Variants in SCRG1 observed in about 807,000 individuals in gnomAD.
SCRG1 encodes the protein scrapie-responsive protein 1.
A neutral mutation model predicts 7.7 loss-of-function variants in SCRG1; 3 were observed. The observed-to-expected ratio is 0.39, with a 90% CI of 0.18 to 1.01. The LOEUF (loss-of-function observed/expected upper bound fraction) is 1.01, where lower values mean the gene tolerates loss of function less well. Ranked by LOEUF, SCRG1 falls within the 50% of genes least tolerant of loss-of-function variation. The pLI is 0.36. For synonymous variants in SCRG1, 46 were observed against 41.2 expected (o/e 1.12, Z -0.44); for missense variants, 110 against 117.2 (o/e 0.94, Z 0.28).
At chr4:173,508,017 A>C in the SCRG1 span, among the ~76,000 whole-genome samples, 1 of 152,034 alleles carries the variant, frequency 6.6e-6, no homozygotes, top group African/African-American at 2.4e-5. This position sits in a 1 kb window ranked among gnomAD's most constrained non-coding sequence, Gnocchi z 4.4. Flanking sequence ...GGGGAGATGG[A>C]TGGAGGGTGA....
chr4:173,415,483 A>G, the SCRG1 span, among the ~76,000 whole-genome samples: 1 of 152,328 alleles, frequency 6.6e-6, no homozygotes, highest in South Asian at 2.1e-4. Context: ...GTGGCCCCAG[A>G]TAACCATGGC....
the SCRG1 span, among the ~76,000 whole-genome samples, chr4:173,471,033 C>G: frequency 6.6e-6 from 1 of 152,122 alleles, no homozygotes; most frequent in Non-Finnish European, 1.5e-5. Flanking sequence ...CATGGAAACC[C>G]TGTTCACATG....
chr4:173,457,011 A>T, the SCRG1 span, among the ~76,000 whole-genome samples: 2 of 152,236 alleles, frequency 1.3e-5, no homozygotes, highest in African/African-American at 4.8e-5. Flanking sequence ...GCTCAGAGAG[A>T]TTCTTTACTC....
At chr4:173,441,764 C>A in the SCRG1 span, among the ~76,000 whole-genome samples, 3 of 152,156 alleles carry the variant, frequency 2.0e-5, no homozygotes, top group African/African-American at 7.2e-5. Flanking sequence ...GATCCCAATG[C>A]TTTGGAAGGC....
At chr4:173,430,064 G>A in the SCRG1 span, among the ~76,000 whole-genome samples, 110 of 152,022 alleles carry the variant, frequency 7.2e-4, no homozygotes, top group Non-Finnish European at 1.3e-3. Context: ...AAGTACAAGA[G>A]ACAAATCTTT....
rs1442139961 is a variant in SCRG1 at position 173,386,646 on chromosome 4, C to T, written c.*1695G>A. The T allele has an allele frequency of 6.6e-6, 1 of 152,110 alleles. No individual in the cohort carries two copies. Among genetic ancestry groups the T allele is most frequent in the Non-Finnish European group, 1.5e-5 (1 of 68,036 alleles). The allele number at this position is 152,110 out of a possible 1,614,324, so 9.4% of individuals were successfully genotyped here. On this transcript the variant is annotated 3_prime_UTR_variant, in exon 3 of 3. Transcript: ENST00000296506. ...TCTCCAGAAACAGATCAGGGACCTCCAAGGATATATTTTAATGAAATAATG... is the reference window on the plus strand; with the variant it reads ...TCTCCAGAAACAGATCAGGGACCTCTAAGGATATATTTTAATGAAATAATG...
chr4:173,459,846 G>T, the SCRG1 span, among the ~76,000 whole-genome samples: 1 of 152,058 alleles, frequency 6.6e-6, no homozygotes. Flanking sequence ...GCACAACAGG[G>T]TAACTATAGT....
At chr4:173,450,901 G>A in the SCRG1 span, among the ~76,000 whole-genome samples, 1 of 152,130 alleles carries the variant, frequency 6.6e-6, no homozygotes, top group African/African-American at 2.4e-5. Flanking sequence ...GCATCCACGA[G>A]CAGCAAAGGG....
the SCRG1 span, among the ~76,000 whole-genome samples, chr4:173,444,191 C>G: frequency 6.6e-6 from 1 of 152,120 alleles, no homozygotes; most frequent in Admixed American, 6.5e-5. Flanking sequence ...CCAGGCTGGT[C>G]TGAAACTCCT....
chr4:173,466,175 T>A, the SCRG1 span, among the ~76,000 whole-genome samples: 1 of 152,146 alleles, frequency 6.6e-6, no homozygotes, highest in Admixed American at 6.6e-5. Context: ...ATGGAACAAG[T>A]TTCTTTTTTA....
At chr4:173,470,757 T>C in the SCRG1 span, among the ~76,000 whole-genome samples, 1 of 152,230 alleles carries the variant, frequency 6.6e-6, no homozygotes, top group African/African-American at 2.4e-5. Context: ...GTTTATTTAA[T>C]AGTTTCTTCA....
the SCRG1 span, among the ~76,000 whole-genome samples, chr4:173,421,722 C>G: frequency 6.6e-6 from 1 of 152,122 alleles, no homozygotes; most frequent in African/African-American, 2.4e-5. Flanking sequence ...GGGGTAGATT[C>G]TCTTACGGGA....
the SCRG1 span, among the ~76,000 whole-genome samples, chr4:173,479,845 C>T: frequency 1.3e-5 from 2 of 152,110 alleles, no homozygotes; most frequent in African/African-American, 4.8e-5. Context: ...GAAAATATAT[C>T]TTAATAGTAA....
the SCRG1 span, among the ~76,000 whole-genome samples, chr4:173,471,937 G>A: frequency 6.6e-6 from 1 of 152,174 alleles, no homozygotes; most frequent in Admixed American, 6.5e-5. Context: ...TCGAGCTCCT[G>A]ACCTCAGGTG....
At chr4:173,508,009 GGAGATGGATGGAGGGT>G in the SCRG1 span, among the ~76,000 whole-genome samples, 1 of 152,196 alleles carries the variant, frequency 6.6e-6, no homozygotes, top group Non-Finnish European at 1.5e-5. The surrounding 1 kb of genome is among the most constrained non-coding windows in gnomAD (Gnocchi z 4.4). Flanking sequence ...TCGGGGAGGG[GGAGATGGATGGAGGGT>G]GAGATGGGTG....
chr4:173,504,443 C>G, the SCRG1 span, among the ~76,000 whole-genome samples: 1 of 152,192 alleles, frequency 6.6e-6, no homozygotes, highest in Non-Finnish European at 1.5e-5. The surrounding 1 kb of genome is among the most constrained non-coding windows in gnomAD (Gnocchi z 4.7). Context: ...TAGAACCAGA[C>G]AGGAGACTAG....
chr4:173,407,783 T>C (rs895217710), upstream of SCRG1, among the ~76,000 whole-genome samples: 4 of 152,224 alleles, frequency 2.6e-5, no homozygotes, highest in African/African-American at 9.7e-5. Context: ...GCAATTATTT[T>C]ATGGAATAAG....
chr4:173,483,707 T>C, the SCRG1 span, among the ~76,000 whole-genome samples: 33 of 9,848 alleles, frequency 3.4e-3, 15 homozygotes, highest in Non-Finnish European at 7.4e-3. Flanking sequence ...ATCATATATA[T>C]GATATATTAT....
At chr4:173,394,271 C>T (rs559951133) in intron 1 of SCRG1, among the ~76,000 whole-genome samples, 17 of 150,048 alleles carry the variant, frequency 1.1e-4, no homozygotes, top group Admixed American at 3.3e-4. Context: ...TTTTTTTTTC[C>T]GATATGCTTT....
Sources: gnomAD v4.1 joint callset for allele counts (sites outside exome capture counted in the v4.1 genomes callset) on GRCh38, gnomAD v4.1.1 for gene constraint, Gnocchi (gnomAD v3.1) non-coding constraint, MANE v1.5 for transcripts, NCBI Gene and HGNC (gene_info 2026-07-23, HGNC 2026-07-21) for gene names.